HLTF: variants seen among roughly 807,000 people sequenced by gnomAD.
HLTF encodes DNA-dependent ATPase/E3 ubiquitin-protein ligase HLTF.
HLTF carries 127 observed loss-of-function variants against 129.4 expected under a neutral mutation model. The observed-to-expected ratio is 0.98, with a 90% CI of 0.85 to 1.14. HLTF has a LOEUF of 1.14. Among genes scored for constraint, HLTF ranks in the 50% most tolerant of loss-of-function variants. The probability of loss-of-function intolerance (pLI) is 0.00; values close to 1 mark genes in which losing one functional copy is unlikely to be tolerated. For synonymous variants in HLTF, 332 were observed against 388.8 expected (o/e 0.85, Z 1.72); for missense variants, 1,139 against 1,187.1 (o/e 0.96, Z 0.60).
chr3:149,059,210 C>G (rs945726126), intron 13 of HLTF, among the ~76,000 whole-genome samples: 1 of 152,042 alleles, frequency 6.6e-6, no homozygotes, highest in Non-Finnish European at 1.5e-5. Flanking sequence ...TAATGGAGAC[C>G]AAGGGGCAGA....
At position 149,041,521 on chromosome 3, in the gene HLTF, G is replaced by C; in HGVS notation, c.2345C>G (p.Pro782Arg). Reference sequence around the variant, plus strand: ...ATTCTGAATGACTTGGCAAATACAGGGTTTACAAAATACATGTGCACAATG... The same window carrying C: ...ATTCTGAATGACTTGGCAAATACAGCGTTTACAAAATACATGTGCACAATG... The part of the protein sequence containing the change: ...ITHCAHVFCK[P>R]CICQVIQNEQ... Residue 782 changes from proline to arginine, a missense_variant, in exon 20 of 25, where the codon CCC (proline) becomes CGC (arginine). Pro to Arg is a moderately radical substitution (Grantham distance 103, BLOSUM62 -2). Transcript: ENST00000310053. 1 of 1,612,886 alleles carries C rather than the reference G, an allele frequency of 6.2e-7. No individual in the cohort carries two copies. The highest frequency in any genetic ancestry group is 8.5e-7 in the Non-Finnish European group (1 of 1,179,318).
At chr3:149,046,756 A>G (rs9683270) in intron 17 of HLTF, among the ~76,000 whole-genome samples, 47,036 of 152,078 alleles carry the variant, frequency 0.31, 7,205 homozygotes, top group East Asian at 0.32. Flanking sequence ...AAATAAAAAG[A>G]TAATATGGTA....
intron 14 of HLTF, among the ~76,000 whole-genome samples, chr3:149,052,955 C>T (rs953789589): frequency 7.9e-5 from 12 of 152,186 alleles, no homozygotes; most frequent in African/African-American, 2.7e-4. Flanking sequence ...ATGTATGTAT[C>T]ATCCTCTCAA....
chr3:149,044,930 C>T (rs1267282076), intron 18 of HLTF, among the ~76,000 whole-genome samples: 8 of 152,102 alleles, frequency 5.3e-5, no homozygotes, highest in African/African-American at 2.4e-5. Flanking sequence ...TACTTCTGAC[C>T]TTATTCCTAT....
Position 149,050,375 on chromosome 3 carries a change from C to A in HLTF, c.1474G>T (p.Asp492Tyr). Reference sequence around the variant, plus strand: ...GATTTTATATGTTGTCCAAACTGGTCCTAAAGAAAAATTAGGAATATTTTT... The same window carrying A: ...GATTTTATATGTTGTCCAAACTGGTACTAAAGAAAAATTAGGAATATTTTT... ...CPLSVLSNWI[D>Y]QFGQHIKSDV... The change falls in exon 15 of 25, where the codon GAC becomes TAC. Residue 492 changes from aspartate to tyrosine, a missense_variant and splice_region_variant. Asp to Tyr is a radical substitution (Grantham distance 160, BLOSUM62 -3). Transcript: ENST00000310053. 1 of 1,550,984 alleles carries A rather than the reference C, an allele frequency of 6.4e-7. No homozygotes were observed. Among genetic ancestry groups the A allele is most frequent in the Non-Finnish European group, 8.7e-7 (1 of 1,145,446 alleles).
At chr3:149,059,248 C>CCTTA (rs1206715694) in intron 13 of HLTF, 4 of 247,020 alleles carry the variant, frequency 1.6e-5, no homozygotes, top group African/African-American at 6.9e-5. Flanking sequence ...ATCTTCTCAA[C>CCTTA]CTTAGTTCAA....
chr3:149,077,466 C>CA (rs1225590655), intron 2 of HLTF, among the ~76,000 whole-genome samples: 1 of 151,642 alleles, frequency 6.6e-6, no homozygotes, highest in Non-Finnish European at 1.5e-5. Context: ...TCACCAAGTA[C>CA]AAAAAAACCT....
chr3:149,048,872 C>A lies in HLTF; in HGVS notation c.1747G>T (p.Val583Phe). The change falls in exon 16 of 25, where the codon GTT becomes TTT. Residue 583 changes from valine to phenylalanine, a missense_variant. Physicochemically the swap from Val to Phe is conservative, Grantham distance 50. Coordinates refer to ENST00000310053, the MANE Select transcript of HLTF (RefSeq NM_003071.4). ...VLDLESERRW[V>F]LTGTPIQNSL... ...TTAATGCTATGATTACCTGTCAAAA[C>A]CCATCTTCTTTCTGATTCTAAGTCA... 6.2e-7 allele frequency: 1 copy of A among 1,612,812 alleles called. No homozygotes were observed. Among genetic ancestry groups the A allele is most frequent in the Non-Finnish European group, 8.5e-7 (1 of 1,179,024 alleles).
chr3:149,047,173 T>A (rs1212777501), intron 17 of HLTF, among the ~76,000 whole-genome samples: 1 of 150,584 alleles, frequency 6.6e-6, no homozygotes, highest in African/African-American at 2.5e-5. Context: ...AAATCTTCAG[T>A]CTATAAACCG....
At chr3:149,048,566 A>C (rs1716736681) in intron 16 of HLTF, among the ~76,000 whole-genome samples, 2 of 152,174 alleles carry the variant, frequency 1.3e-5, no homozygotes. Context: ...GGGAAACAGA[A>C]ATCAAGATTA....
In HLTF at chr3:149,048,078, C is replaced by A; in HGVS notation, c.1842G>T (p.Trp614Cys). The A allele has an allele frequency of 6.2e-7, 1 of 1,612,412 alleles. No individual in the cohort carries two copies. Among genetic ancestry groups the A allele is most frequent in the Non-Finnish European group, 8.5e-7 (1 of 1,178,860 alleles). Residue 614 changes from tryptophan to cysteine, a missense_variant, in exon 17 of 25, where the codon TGG becomes TGT. Physicochemically the swap from Trp to Cys is radical, Grantham distance 215. Coordinates refer to ENST00000310053, the MANE Select transcript of HLTF (RefSeq NM_003071.4). ...KLKPFIDREW[W>C]HRTIQRPVTM... Reference sequence around the variant, plus strand: ...TGACAGGACGCTGTATTGTTCTATGCCACCATTCTCTATCAATAAATGGTT... The same window carrying A: ...TGACAGGACGCTGTATTGTTCTATGACACCATTCTCTATCAATAAATGGTT...
chr3:149,055,548 T>C lies in HLTF; in HGVS notation c.1376-148A>G, dbSNP rs1367134823. 6 of 606,852 alleles carry C rather than the reference T, an allele frequency of 9.9e-6. No individual in the cohort carries two copies. The East Asian group carries it at 1.7e-4, about 17-fold the overall frequency. The allele number at this position is 606,852 out of a possible 1,614,324, so 37.6% of individuals were successfully genotyped here. A position where few individuals can be genotyped will look rare whatever the true frequency, so the allele number is the denominator to read the frequency against. ...TGGACTTTTAACAGGGAATAAATTT[T>C]ACCTCATCACTTAAAAAAACTAAAA... On this transcript the variant is annotated intron_variant, in intron 13 of 24. Coordinates refer to ENST00000310053, the MANE Select transcript of HLTF (RefSeq NM_003071.4).
intron 10 of HLTF, among the ~76,000 whole-genome samples, chr3:149,061,851 A>AG (rs1253685518): frequency 2.6e-5 from 4 of 151,450 alleles, no homozygotes; most frequent in Non-Finnish European, 4.4e-5. Context: ...AAAAAAAAAA[A>AG]GAAAAGAAAA....
intron 1 of HLTF, among the ~76,000 whole-genome samples, chr3:149,085,183 A>G (rs1344593264): frequency 6.6e-6 from 1 of 152,204 alleles, no homozygotes; most frequent in East Asian, 1.9e-4. Flanking sequence ...ATTGATATGT[A>G]TATGATGTCT....
intron 5 of HLTF, among the ~76,000 whole-genome samples, chr3:149,072,622 A>G (rs986784400): frequency 9.9e-5 from 15 of 152,218 alleles, no homozygotes; most frequent in Non-Finnish European, 2.9e-5. Context: ...AATCAGAAGT[A>G]ACCGGGGGCT....
chr3:149,063,094 C>T (rs1718084110), intron 10 of HLTF: 2 of 459,972 alleles, frequency 4.3e-6, no homozygotes, highest in Admixed American at 2.3e-5. Flanking sequence ...GAGTCTCACT[C>T]TGTCACCCAG....
intron 7 of HLTF, among the ~76,000 whole-genome samples, chr3:149,070,386 T>C (rs766168167): frequency 1.3e-4 from 20 of 152,210 alleles, no homozygotes; most frequent in Non-Finnish European, 2.9e-4. Flanking sequence ...ACAATGCCAG[T>C]TGTTGCAACA....
intron 3 of HLTF, 49 bp from the exon 4 acceptor site, chr3:149,074,397 T>C (rs776689400): frequency 2.0e-6 from 3 of 1,528,158 alleles, no homozygotes; most frequent in Non-Finnish European, 2.7e-6. Flanking sequence ...CATTACTTTT[T>C]ATCCCCACTA....
In HLTF at chr3:149,041,939, T is replaced by C. The variant is rs576356448; in HGVS notation, c.2197+227A>G. ...TAAAAGGCAGATCCAATATGAATCT[T>C]TCATCAAAGGGTATCTATCACCGGA... On this transcript the variant is annotated intron_variant, in intron 19 of 24. Transcript: ENST00000310053. 5.2e-6 allele frequency: 3 copies of C among 581,700 alleles called. No individual in the cohort carries two copies. In the East Asian group the frequency reaches 8.4e-5, roughly 16 times the overall value. The allele number at this position is 581,700 out of a possible 1,614,324, so 36.0% of individuals were successfully genotyped here. A position where few individuals can be genotyped will look rare whatever the true frequency, so the allele number is the denominator to read the frequency against.
Sources: gnomAD v4.1 joint callset for allele counts (sites outside exome capture counted in the v4.1 genomes callset) on GRCh38, gnomAD v4.1.1 for gene constraint, MANE v1.5 for transcripts, NCBI Gene and HGNC (gene_info 2026-07-23, HGNC 2026-07-21) for gene names.